The following BRSK1 variants were observed in gnomAD, a reference collection of about 807,000 sequenced individuals.
The protein encoded by BRSK1 is serine/threonine-protein kinase BRSK1.
BRSK1 carries 17 observed loss-of-function variants against 86.2 expected under a neutral mutation model. The observed-to-expected ratio is 0.20, with a 90% confidence interval of 0.14 to 0.30. The LOEUF (loss-of-function observed/expected upper bound fraction) is 0.30. Among genes scored for constraint, BRSK1 ranks in the 10% least tolerant of loss-of-function variants. The pLI is 1.00. For missense variants in BRSK1, 719 were observed against 1,071.9 expected (o/e 0.67, Z 4.60); for synonymous variants, 464 against 440.1 (o/e 1.05, Z -0.68).
At chr19:55,301,860 G>T (rs2161617) in intron 8 of BRSK1, among the ~76,000 whole-genome samples, 26,243 of 152,196 alleles carry the variant, frequency 0.17, 2,828 homozygotes, top group African/African-American at 0.31. Flanking sequence ...GGGGCGGGGA[G>T]CTCCAGGCAG....
intron 16 of BRSK1, 26 bp downstream of exon 16, chr19:55,305,612 C>G (rs1018451670): frequency 1.2e-6 from 2 of 1,613,318 alleles, no homozygotes; most frequent in African/African-American, 2.7e-5. Context: ...CCCCATCGAG[C>G]CTGGCCCCCG....
chr19:55,306,195 TG>T lies in BRSK1; in HGVS notation c.1891-53del. 3 of 1,579,258 alleles carry T rather than the reference TG, an allele frequency of 1.9e-6. No homozygotes were observed. The highest frequency in any genetic ancestry group is 1.1e-5 in the South Asian group (1 of 89,400). ...GTAGTTCCTTGGCCAGAGCTGGTCG[TG>T]GGGCTGGGTATCCATTTCCTGGGCT... On this transcript the variant is annotated intron_variant, in intron 16 of 18. Coordinates refer to ENST00000309383, the MANE Select transcript of BRSK1 (RefSeq NM_032430.2). The surrounding 1 kb of genome is among the most constrained non-coding windows in gnomAD (Gnocchi z 4.7).
chr19:55,301,941 G>T (rs896309667), intron 8 of BRSK1, 196 bp from the exon 9 acceptor site: 10 of 822,978 alleles, frequency 1.2e-5, no homozygotes, highest in African/African-American at 5.0e-5. Context: ...CGGCCGGTCC[G>T]GGGTACACGG....
At chr19:55,285,449 G>C (rs528181725) in intron 1 of BRSK1, among the ~76,000 whole-genome samples, 1 of 152,132 alleles carries the variant, frequency 6.6e-6, no homozygotes, top group African/African-American at 2.4e-5. Context: ...CTGCAGTACA[G>C]CTGCAGACCG....
At chr19:55,290,335 A>G (rs1450479707) in intron 4 of BRSK1, among the ~76,000 whole-genome samples, 1 of 152,000 alleles carries the variant, frequency 6.6e-6, no homozygotes, top group Non-Finnish European at 1.5e-5. Flanking sequence ...TTAAAATTTG[A>G]TTTAGTCTTT....
At position 55,312,247 on chromosome 19, in the gene BRSK1, A is replaced by C; in HGVS notation, c.*179A>C. The C allele has an allele frequency of 2.6e-6, 1 of 377,630 alleles. No homozygotes were observed. The allele number at this position is 377,630 out of a possible 1,614,324, so 23.4% of individuals were successfully genotyped here. On this transcript the variant is annotated 3_prime_UTR_variant, in exon 19 of 19. Coordinates refer to ENST00000309383, the MANE Select transcript of BRSK1 (RefSeq NM_032430.2). ...CCCAACTGGGGGTGGTTCTAGGGGA[A>C]CAGGGGGCGGGGGAGCTGTTTCTAT... is the stretch of plus-strand genomic sequence containing the variant.
At chr19:55,308,394 C>G (rs907758102) in intron 17 of BRSK1, among the ~76,000 whole-genome samples, 2 of 106,884 alleles carry the variant, frequency 1.9e-5, no homozygotes, top group African/African-American at 1.3e-4. Flanking sequence ...GCAATAGTAT[C>G]TATTTGAATA....
In BRSK1 at chr19:55,287,513, G is replaced by C. The variant is rs932488588; in HGVS notation, c.317+214G>C. On this transcript the variant is annotated intron_variant, in intron 3 of 18. Coordinates refer to ENST00000309383, the MANE Select transcript of BRSK1 (RefSeq NM_032430.2). This position sits in a 1 kb window ranked among gnomAD's most constrained non-coding sequence, Gnocchi z 5.3. ...ACGCTGTGTTGGGCCTGAGGCCAAGGGCAACCATCCTCCTACCGTGTCCCC... is the reference window on the plus strand; with the variant it reads ...ACGCTGTGTTGGGCCTGAGGCCAAGCGCAACCATCCTCCTACCGTGTCCCC... Among the ~76,000 whole-genome samples, 2 of 152,180 alleles carry C rather than the reference G, an allele frequency of 1.3e-5. No individual in the cohort carries two copies. Among genetic ancestry groups the C allele is most frequent in the Admixed American group, 1.3e-4 (2 of 15,286 alleles).
chr19:55,307,905 G>A (rs1298642087), intron 17 of BRSK1, among the ~76,000 whole-genome samples: 1 of 151,062 alleles, frequency 6.6e-6, no homozygotes, highest in African/African-American at 2.4e-5. Flanking sequence ...AGTGAGCCGT[G>A]ATCGCGCCAC....
At chr19:55,295,423 C>G (rs62127760) in intron 7 of BRSK1, among the ~76,000 whole-genome samples, 61,852 of 152,070 alleles carry the variant, frequency 0.41, 14,011 homozygotes, top group East Asian at 0.83. Flanking sequence ...CGAACCCAGC[C>G]CATCTCTCGA....
At chr19:55,292,783 G>C (rs373289135) in intron 4 of BRSK1, among the ~76,000 whole-genome samples, 4 of 151,574 alleles carry the variant, frequency 2.6e-5, no homozygotes, top group Non-Finnish European at 5.9e-5. Context: ...GCAGTGAGCC[G>C]TAATCGTGCC....
intron 4 of BRSK1, 22 bp downstream of exon 4, chr19:55,289,642 G>A (rs1347538278): frequency 6.2e-7 from 1 of 1,612,064 alleles, no homozygotes; most frequent in Admixed American, 1.7e-5. Flanking sequence ...GCTTGAGGGG[G>A]AGGAGGGGCT....
chr19:55,286,755 G>A (rs1221105985), intron 1 of BRSK1, among the ~76,000 whole-genome samples: 1 of 151,834 alleles, frequency 6.6e-6, no homozygotes, highest in Non-Finnish European at 1.5e-5. Context: ...GGGCCAGGGG[G>A]TGGCTGGCAG....
In BRSK1 at chr19:55,312,009, C is replaced by T. The variant is rs773276955; in HGVS notation, c.2278C>T (p.Arg760Cys). 25 of 1,524,598 alleles carry T rather than the reference C, an allele frequency of 1.6e-5. No individual in the cohort carries two copies. Among genetic ancestry groups the T allele is most frequent in the East Asian group, 7.4e-5 (3 of 40,624 alleles). 94.4% of individuals were successfully genotyped at this position (1,524,598 alleles called of 1,614,324 possible). ...RPDPELSSSP[R>C]RGPPKDKKLL... ...AGACCCAGAGCTGAGCAGCTCTCCC[C>T]GCCGAGGCCCCCCCAAGGACAAGAA... is the stretch of plus-strand genomic sequence containing the variant. The change falls in exon 19 of 19, where the codon CGC becomes TGC. Residue 760 changes from arginine (R) to cysteine (C), a missense_variant. Arg to Cys is a radical substitution (Grantham distance 180). Transcript: ENST00000309383.
chr19:55,309,463 A>G (rs1393420969), intron 18 of BRSK1, among the ~76,000 whole-genome samples: 1 of 152,214 alleles, frequency 6.6e-6, no homozygotes, highest in Admixed American at 6.5e-5. Flanking sequence ...ACAGAAATTT[A>G]TTGCTGACAA....
rs931988167 is a variant in BRSK1, at chr19:55,303,162, C to T, written c.1029-149C>T. 13 of 683,762 alleles carry T rather than the reference C, an allele frequency of 1.9e-5. No homozygotes were observed. Among genetic ancestry groups the T allele is most frequent in the African/African-American group, 3.6e-5 (2 of 55,766 alleles). The allele number at this position is 683,762 out of a possible 1,614,324, so 42.4% of individuals were successfully genotyped here. A position where few individuals can be genotyped will look rare whatever the true frequency, so the allele number is the denominator to read the frequency against. On this transcript the variant is annotated intron_variant, in intron 10 of 18. Coordinates refer to ENST00000309383, the MANE Select transcript of BRSK1 (RefSeq NM_032430.2). This position sits in a 1 kb window ranked among gnomAD's most constrained non-coding sequence, Gnocchi z 5.1. ...TGAGTGAAACACAGCTGAGATGTAC[C>T]CTAAACCAGAGAAACTGACCATACT...
rs1460251968 is a variant in BRSK1, at chr19:55,312,511, G to A, written c.*443G>A. 6 of 149,632 alleles carry A rather than the reference G, an allele frequency of 4.0e-5. No homozygotes were observed. The highest frequency in any genetic ancestry group is 7.0e-5 in the Non-Finnish European group (6 of 85,580). The allele number at this position is 149,632 out of a possible 1,614,324, so 9.3% of individuals were successfully genotyped here. On this transcript the variant is annotated 3_prime_UTR_variant, in exon 19 of 19. Coordinates refer to ENST00000309383, the MANE Select transcript of BRSK1 (RefSeq NM_032430.2). Reference sequence around the variant, plus strand: ...GTTTCGCGTGATCCTGCCTGCGTCCGTGTCTCTGATTCCGCCGGCGGCAAA... The same window carrying A: ...GTTTCGCGTGATCCTGCCTGCGTCCATGTCTCTGATTCCGCCGGCGGCAAA...
At position 55,302,606 on chromosome 19, in the gene BRSK1, C is replaced by T. The variant is rs1014639311; in HGVS notation, c.858-91C>T. 2.0e-6 allele frequency: 3 copies of T among 1,491,462 alleles called. No individual in the cohort carries two copies. The highest frequency in any genetic ancestry group is 2.3e-5 in the East Asian group (1 of 43,808). 92.4% of individuals were successfully genotyped at this position (1,491,462 alleles called of 1,614,324 possible). A position where few individuals can be genotyped will look rare whatever the true frequency, so the allele number is the denominator to read the frequency against. On this transcript the variant is annotated intron_variant, in intron 9 of 18. Transcript: ENST00000309383. This position sits in a 1 kb window ranked among gnomAD's most constrained non-coding sequence, Gnocchi z 6.3. ...GAGAGAAGGGGCCGGGGCCTAGACT[C>T]GGATTTCGGGGTCCGGGATCATTGA...
rs1439647506 is a variant in BRSK1, at chr19:55,289,675, C to T, written c.458+55C>T. On this transcript the variant is annotated intron_variant, in intron 4 of 18. Coordinates refer to ENST00000309383, the MANE Select transcript of BRSK1 (RefSeq NM_032430.2). ...GCTGAGGGCTGCCCAGCAGACAGGC[C>T]CTTGGGGGCATGTGGAGGGCTGAGC... 7 of 1,591,006 alleles carry T rather than the reference C, an allele frequency of 4.4e-6. No homozygotes were observed. The East Asian group carries it at 1.3e-4, about 31-fold the overall frequency.
Sources: gnomAD v4.1 joint callset for allele counts (sites outside exome capture counted in the v4.1 genomes callset) on GRCh38, gnomAD v4.1.1 for gene constraint, Gnocchi (gnomAD v3.1) non-coding constraint, MANE v1.5 for transcripts, NCBI Gene and HGNC (gene_info 2026-07-23, HGNC 2026-07-21) for gene names.